Variants in TAS2R1 observed in about 807,000 individuals in gnomAD.
TAS2R1 encodes the protein taste receptor type 2 member 1.
For synonymous variants in TAS2R1, 141 were observed against 134.2 expected (o/e 1.05, Z -0.35); for missense variants, 370 against 353.4 (o/e 1.05, Z -0.38).
At chr5:9,791,891 C>G in the TAS2R1 span, among the ~76,000 whole-genome samples, 2 of 152,176 alleles carry the variant, frequency 1.3e-5, no homozygotes, top group East Asian at 3.9e-4. Context: ...ACAGAGCTAT[C>G]TGAGCTCTCC....
the TAS2R1 span, among the ~76,000 whole-genome samples, chr5:9,725,647 C>T: frequency 6.6e-6 from 1 of 151,944 alleles, no homozygotes; most frequent in Non-Finnish European, 1.5e-5. Flanking sequence ...CCAGCCTCCC[C>T]GACGAGCACC....
At chr5:9,877,115 C>T in the TAS2R1 span, among the ~76,000 whole-genome samples, 7 of 152,336 alleles carry the variant, frequency 4.6e-5, no homozygotes, top group South Asian at 1.4e-3. Flanking sequence ...TATGATTACT[C>T]AGGTGTTAAA....
chr5:9,704,476 C>T (rs79935049), intron 1 of TAS2R1, among the ~76,000 whole-genome samples: 3,279 of 152,120 alleles, frequency 0.022, 120 homozygotes, highest in African/African-American at 0.072. Context: ...TAAATGTATA[C>T]GGTTAATACC....
the TAS2R1 span, among the ~76,000 whole-genome samples, chr5:9,808,584 C>A: frequency 1.1e-4 from 17 of 152,220 alleles, no homozygotes; most frequent in African/African-American, 3.1e-4. Context: ...GAGTGTCAAC[C>A]ATGGACCTAA....
chr5:9,708,075 G>A (rs761362092), intron 1 of TAS2R1, among the ~76,000 whole-genome samples: 6 of 152,118 alleles, frequency 3.9e-5, no homozygotes, highest in South Asian at 2.1e-4. Context: ...GCTCCTGGCC[G>A]CATAGATCAG....
At chr5:9,638,710 C>T (rs916569295) in intron 2 of TAS2R1, among the ~76,000 whole-genome samples, 6 of 152,128 alleles carry the variant, frequency 3.9e-5, no homozygotes, top group Non-Finnish European at 8.8e-5. Flanking sequence ...TTGAGTTTGG[C>T]TACCAGGGAA....
At chr5:9,723,115 A>G in the TAS2R1 span, among the ~76,000 whole-genome samples, 2 of 152,328 alleles carry the variant, frequency 1.3e-5, no homozygotes, top group South Asian at 2.1e-4. Context: ...GGAGCTTGTC[A>G]CCATCTGCTG....
At chr5:9,757,272 T>G in the TAS2R1 span, among the ~76,000 whole-genome samples, 126 of 152,326 alleles carry the variant, frequency 8.3e-4, no homozygotes, top group Non-Finnish European at 1.5e-3. Context: ...GACTTTTATA[T>G]TAGGATAAAA....
At chr5:9,791,642 T>C in the TAS2R1 span, among the ~76,000 whole-genome samples, 1 of 152,082 alleles carries the variant, frequency 6.6e-6, no homozygotes, top group East Asian at 1.9e-4. Flanking sequence ...GAGGTTGCAG[T>C]GAGCTGAGAT....
the TAS2R1 span, among the ~76,000 whole-genome samples, chr5:9,823,019 C>CAAAAA: frequency 1.4e-3 from 161 of 114,330 alleles, 1 homozygote; most frequent in East Asian, 7.9e-3. Context: ...TCCTCTCCAC[C>CAAAAA]AAAAAAAAAA....
chr5:9,727,823 G>A, the TAS2R1 span, among the ~76,000 whole-genome samples: 10 of 152,306 alleles, frequency 6.6e-5, no homozygotes, highest in East Asian at 1.9e-3. Context: ...AGCTCCCAGG[G>A]CCCCAGTGAG....
At chr5:9,780,706 T>A in the TAS2R1 span, among the ~76,000 whole-genome samples, 2 of 151,400 alleles carry the variant, frequency 1.3e-5, no homozygotes, top group Admixed American at 6.6e-5. Context: ...CGCGCGCGCA[T>A]GCACGCACAT....
chr5:9,665,989 C>A (rs973834347), intron 1 of TAS2R1, among the ~76,000 whole-genome samples: 3 of 152,236 alleles, frequency 2.0e-5, no homozygotes, highest in Middle Eastern at 3.4e-3. Flanking sequence ...TATTTTTGGA[C>A]AAGGAGTATG....
chr5:9,821,007 A>G, the TAS2R1 span, among the ~76,000 whole-genome samples: 1 of 152,218 alleles, frequency 6.6e-6, no homozygotes, highest in Non-Finnish European at 1.5e-5. Flanking sequence ...TGCCAGCAGA[A>G]TGTTGGTGCT....
the TAS2R1 span, among the ~76,000 whole-genome samples, chr5:9,871,085 C>T: frequency 6.6e-6 from 1 of 152,296 alleles, no homozygotes; most frequent in South Asian, 2.1e-4. Flanking sequence ...ATGAGACCAG[C>T]TGGTGTTGCC....
the TAS2R1 span, among the ~76,000 whole-genome samples, chr5:9,881,387 T>A: frequency 2.0e-5 from 3 of 152,148 alleles, no homozygotes; most frequent in South Asian, 6.2e-4. Flanking sequence ...AAACATTCCA[T>A]GCTCATGAAC....
At chr5:9,803,959 G>T in the TAS2R1 span, among the ~76,000 whole-genome samples, 1 of 152,122 alleles carries the variant, frequency 6.6e-6, no homozygotes, top group East Asian at 1.9e-4. Flanking sequence ...GACTGGATAA[G>T]AATTCACCAA....
chr5:9,839,848 A>C, the TAS2R1 span, among the ~76,000 whole-genome samples: 1 of 151,904 alleles, frequency 6.6e-6, no homozygotes, highest in Admixed American at 6.6e-5. Flanking sequence ...ATATTTAACT[A>C]TTCTTATCTC....
chr5:9,658,660 A>G (rs1404657608), intron 2 of TAS2R1: 1 of 152,192 alleles, frequency 6.6e-6, no homozygotes, highest in Non-Finnish European at 1.5e-5. Flanking sequence ...TTACCCGTGG[A>G]TCAAATTAAT....
Sources: allele counts gnomAD v4.1 joint callset (sites outside exome capture counted in the v4.1 genomes callset), GRCh38; gene constraint gnomAD v4.1.1; transcripts MANE v1.5; gene names NCBI Gene and HGNC (gene_info 2026-07-23, HGNC 2026-07-21).